FRMD3: variants seen among roughly 807,000 people sequenced by gnomAD.
FRMD3 encodes FERM domain containing 3, also known as FERM domain-containing protein 3.
Under a neutral mutation model 70.2 loss-of-function variants are expected in FRMD3, and 33 were observed. That is an observed-to-expected ratio of 0.47 (90% CI 0.36 to 0.63). FRMD3 has a LOEUF of 0.63. FRMD3 is among the 20% of genes least tolerant of loss of function. The pLI is 0.00. For missense variants in FRMD3, 632 were observed against 711.4 expected (o/e 0.89, Z 1.27); for synonymous variants, 279 against 255.9 (o/e 1.09, Z -0.86).
At chr9:83,525,559 T>A (rs189086405) in intron 1 of FRMD3, among the ~76,000 whole-genome samples, 1 of 152,220 alleles carries the variant, frequency 6.6e-6, no homozygotes, top group Non-Finnish European at 1.5e-5. Context: ...TTGTAGCATG[T>A]TGATAGGATT....
At position 83,450,944 on chromosome 9, in the gene FRMD3, G is replaced by A. The variant is rs1269083484; in HGVS notation, c.148-61236C>T. 3.9e-5 allele frequency among the ~76,000 whole-genome samples: 6 copies of A among 152,136 alleles called. No homozygotes were observed. In the South Asian group the frequency reaches 6.2e-4, roughly 16 times the overall value. On this transcript the variant is annotated intron_variant, in intron 1 of 13. Coordinates refer to ENST00000304195, the MANE Select transcript of FRMD3 (RefSeq NM_174938.6). ...GGAAATGAGGCTTTAATGAATGTCC[G>A]TTTAATAAGTCCCCAAATGTGAAGT...
At chr9:83,439,469 C>T (rs76801449) in intron 1 of FRMD3, among the ~76,000 whole-genome samples, 5,738 of 152,310 alleles carry the variant, frequency 0.038, 181 homozygotes, top group East Asian at 0.16. Flanking sequence ...CTGGTTACAG[C>T]CAACTGGATG....
At chr9:83,276,440 C>T (rs985271849) in intron 13 of FRMD3, 1 of 152,170 alleles carries the variant, frequency 6.6e-6, no homozygotes, top group African/African-American at 2.4e-5. Context: ...CTCCATATTT[C>T]TCAACAGCTT....
the FRMD3 span, among the ~76,000 whole-genome samples, chr9:83,565,234 C>T: frequency 6.6e-6 from 1 of 152,254 alleles, no homozygotes; most frequent in East Asian, 1.9e-4. Context: ...GTCCACTGAG[C>T]CAATCACATA....
chr9:83,427,385 G>A lies in FRMD3; in HGVS notation c.148-37677C>T, dbSNP rs1826841880. On this transcript the variant is annotated intron_variant, in intron 1 of 13. Transcript: ENST00000304195. ...ACTCCATGTGCTCTTTATAGAGGTT[G>A]TTCAGGTCACACATCCCTTAGGGGA... 2.0e-5 allele frequency among the ~76,000 whole-genome samples: 3 copies of A among 152,214 alleles called. No homozygotes were observed. The South Asian group carries it at 6.2e-4, about 32-fold the overall frequency.
At chr9:83,480,925 G>A (rs1394698687) in intron 1 of FRMD3, among the ~76,000 whole-genome samples, 2 of 152,186 alleles carry the variant, frequency 1.3e-5, no homozygotes, top group African/African-American at 2.4e-5. Flanking sequence ...AAGGACAACT[G>A]TAATATTAAG....
At chr9:83,285,365 A>G (rs1834163719) in intron 13 of FRMD3, among the ~76,000 whole-genome samples, 1 of 152,198 alleles carries the variant, frequency 6.6e-6, no homozygotes, top group African/African-American at 2.4e-5. Flanking sequence ...TTTCTCGATC[A>G]TATGCAAAAG....
At chr9:83,499,677 A>T (rs1829019760) in intron 1 of FRMD3, among the ~76,000 whole-genome samples, 1 of 152,204 alleles carries the variant, frequency 6.6e-6, no homozygotes. Context: ...CAGAAGCTTC[A>T]TTCACTGTTG....
chr9:83,372,265 C>G (rs930154911), intron 3 of FRMD3, among the ~76,000 whole-genome samples: 5 of 151,672 alleles, frequency 3.3e-5, no homozygotes, highest in African/African-American at 1.2e-4. Context: ...TACCAGTGAA[C>G]ACCCTCCTCA....
intron 1 of FRMD3, among the ~76,000 whole-genome samples, chr9:83,397,356 CGA>C (rs1255712236): frequency 1.3e-5 from 2 of 152,174 alleles, no homozygotes; most frequent in Non-Finnish European, 2.9e-5. Context: ...TCTCAGAAAG[CGA>C]TCCTTGAAAG....
chr9:83,330,342 A>AG, intron 6 of FRMD3, among the ~76,000 whole-genome samples: 1 of 151,610 alleles, frequency 6.6e-6, no homozygotes, highest in Non-Finnish European at 1.5e-5. Context: ...AAAAAACAAA[A>AG]AAAACAGAGG....
chr9:83,290,678 T>A lies in FRMD3; in HGVS notation c.1120A>T (p.Ile374Phe). ...RSSHSLNKQLIINMEPLQPLL... is the reference protein window; with the variant it reads ...RSSHSLNKQLFINMEPLQPLL... Reference sequence around the variant, plus strand: ...GGCTGCAGGGGTTCCATGTTAATGATGAGCTGTTTGTTCAAGGAGTGGGAA... The same window carrying A: ...GGCTGCAGGGGTTCCATGTTAATGAAGAGCTGTTTGTTCAAGGAGTGGGAA... Residue 374 changes from isoleucine to phenylalanine, a missense_variant, in exon 13 of 14, where the codon ATC (isoleucine) becomes TTC (phenylalanine). This residue lies in a region of FRMD3 where 418 missense variants were observed against 442.1 expected (regional missense o/e 0.95). Coordinates refer to ENST00000304195, the MANE Select transcript of FRMD3 (RefSeq NM_174938.6). 1 of 1,613,908 alleles carries A rather than the reference T, an allele frequency of 6.2e-7. No individual in the cohort carries two copies. The highest frequency in any genetic ancestry group is 8.5e-7 in the Non-Finnish European group (1 of 1,179,844).
rs868672920 is a variant in FRMD3 at position 83,272,981 on chromosome 9, C to T, written c.1195+17622G>A. ...CTGGGAAGTGAGGAGCATCTCCGCCCGGCAGCCGCCCCGTCCGGGAGGGAG... is the reference window on the plus strand; with the variant it reads ...CTGGGAAGTGAGGAGCATCTCCGCCTGGCAGCCGCCCCGTCCGGGAGGGAG... On this transcript the variant is annotated intron_variant, in intron 13 of 13. Coordinates refer to ENST00000304195, the MANE Select transcript of FRMD3 (RefSeq NM_174938.6). Among the ~76,000 whole-genome samples the T allele has an allele frequency of 1.9e-3, 281 of 146,982 alleles. 2 individuals are homozygous for T. Among genetic ancestry groups the T allele is most frequent in the African/African-American group, 6.6e-3 (265 of 39,892 alleles).
chr9:83,512,536 C>T (rs542294150), intron 1 of FRMD3, among the ~76,000 whole-genome samples: 3 of 152,184 alleles, frequency 2.0e-5, no homozygotes, highest in Admixed American at 2.0e-4. Context: ...ATCCACTGAT[C>T]GCAGAACCTT....
chr9:83,247,411 A>G lies in FRMD3; in HGVS notation c.*507T>C. 1.0e-6 allele frequency: 1 copy of G among 979,728 alleles called. No individual in the cohort carries two copies. Among genetic ancestry groups the G allele is most frequent in the Non-Finnish European group, 1.2e-6 (1 of 825,838 alleles). 60.7% of individuals were successfully genotyped at this position (979,728 alleles called of 1,614,324 possible). On this transcript the variant is annotated 3_prime_UTR_variant, in exon 14 of 14. Coordinates refer to ENST00000304195, the MANE Select transcript of FRMD3 (RefSeq NM_174938.6). Reference sequence around the variant, plus strand: ...TTTTTTTTTTTGCTAAAAATTTACCAAAATAGTTTGAACACATAAAAATAT... The same window carrying G: ...TTTTTTTTTTTGCTAAAAATTTACCGAAATAGTTTGAACACATAAAAATAT...
chr9:83,297,811 A>T (rs1386947113), intron 12 of FRMD3: 1 of 471,820 alleles, frequency 2.1e-6, no homozygotes, highest in South Asian at 1.5e-5. Flanking sequence ...TTTCTTCTGT[A>T]CACATCTACA....
At chr9:83,439,819 A>G (rs929007552) in intron 1 of FRMD3, among the ~76,000 whole-genome samples, 2 of 152,242 alleles carry the variant, frequency 1.3e-5, no homozygotes, top group Non-Finnish European at 2.9e-5. Context: ...AGTGAGTGAC[A>G]GTAAGTTAGC....
chr9:83,262,273 C>G, intron 13 of FRMD3, among the ~76,000 whole-genome samples: 1 of 152,200 alleles, frequency 6.6e-6, no homozygotes, highest in African/African-American at 2.4e-5. Flanking sequence ...ATAACACACA[C>G]TATGTAGTAA....
rs150105866 is a variant in FRMD3 at position 83,485,135 on chromosome 9, C to G, written c.147+52950G>C. ...GATGAACCCAAATCAAAATTCCACA[C>G]CAGAGGGGCTGGGAAAGCCCATACA... On this transcript the variant is annotated intron_variant, in intron 1 of 13. Transcript: ENST00000304195. Among the ~76,000 whole-genome samples the G allele has an allele frequency of 5.5e-4, 84 of 152,294 alleles. No individual in the cohort carries two copies. In the Middle Eastern group the frequency reaches 0.02, roughly 37 times the overall value.
Sources: gnomAD v4.1 joint callset for allele counts (sites outside exome capture counted in the v4.1 genomes callset) on GRCh38, gnomAD v4.1.1 for gene constraint, gnomAD v4.1.1 regional missense constraint, MANE v1.5 for transcripts, NCBI Gene and HGNC (gene_info 2026-07-23, HGNC 2026-07-21) for gene names.